The following CDH13 variants were observed in gnomAD, a reference collection of about 807,000 sequenced individuals.
CDH13 encodes the protein cadherin-13.
In CDH13, 24 loss-of-function variants were observed where a neutral mutation model predicts 63.8. The observed-to-expected ratio is 0.38, with a 90% confidence interval of 0.27 to 0.53. The LOEUF is 0.53. Ranked by LOEUF, CDH13 falls within the 20% of genes least tolerant of loss-of-function variation. The pLI is 0.85. For missense variants in CDH13, 1,049 were observed against 903.1 expected (o/e 1.16, Z -2.07); for synonymous variants, 503 against 355.3 (o/e 1.42, Z -4.67).
intron 6 of CDH13, among the ~76,000 whole-genome samples, chr16:83,396,069 T>C (rs541960509): frequency 1.1e-4 from 16 of 152,322 alleles, no homozygotes; most frequent in African/African-American, 3.4e-4. Context: ...CCTGTGTTAG[T>C]TTGCTAAGGA....
intron 3 of CDH13, among the ~76,000 whole-genome samples, chr16:83,065,180 GC>G (rs1267898014): frequency 6.6e-6 from 1 of 152,174 alleles, no homozygotes; most frequent in Non-Finnish European, 1.5e-5. Context: ...GGACAGCACA[GC>G]TTTAGAAAGA....
chr16:83,556,483 A>T (rs2075604641), intron 7 of CDH13, among the ~76,000 whole-genome samples: 1 of 152,192 alleles, frequency 6.6e-6, no homozygotes, highest in Non-Finnish European at 1.5e-5. Context: ...TCAGCCAAGT[A>T]AAGCCAAAGT....
intron 4 of CDH13, among the ~76,000 whole-genome samples, chr16:83,141,993 T>G (rs2036549490): frequency 6.6e-6 from 1 of 152,048 alleles, no homozygotes; most frequent in Admixed American, 6.5e-5. Context: ...AAGCACTGGC[T>G]GAAAAGCCCC....
chr16:83,236,961 T>C (rs1242812447), intron 5 of CDH13, among the ~76,000 whole-genome samples: 1 of 151,982 alleles, frequency 6.6e-6, no homozygotes, highest in African/African-American at 2.4e-5. Flanking sequence ...TTTCACCTCA[T>C]TTTAAAAATC....
chr16:82,884,222 C>A (rs2040806526), intron 2 of CDH13: 1 of 455,646 alleles, frequency 2.2e-6, no homozygotes, highest in South Asian at 1.6e-5. Context: ...AAAGTAGAGG[C>A]CACTTTTAAA....
chr16:82,766,689 A>G lies in CDH13; in HGVS notation c.46-91673A>G, dbSNP rs150186299. 3.9e-3 allele frequency among the ~76,000 whole-genome samples: 594 copies of G among 152,328 alleles called. 3 individuals carry two copies. The highest frequency in any genetic ancestry group is 6.1e-3 in the Non-Finnish European group (414 of 68,034). ...TCTTTACCATATATCATTATCCAAT[A>G]TATTCCTTTATATCATTATCCAAAT... On this transcript the variant is annotated intron_variant, in intron 1 of 13. Coordinates refer to ENST00000567109, the MANE Select transcript of CDH13 (RefSeq NM_001257.5).
chr16:83,331,755 T>A (rs1242137885), intron 5 of CDH13, among the ~76,000 whole-genome samples: 1 of 152,212 alleles, frequency 6.6e-6, no homozygotes, highest in Admixed American at 6.5e-5. Context: ...CTTCTTAACA[T>A]GCATACTATA....
chr16:82,673,712 T>C (rs1913564978), intron 1 of CDH13, among the ~76,000 whole-genome samples: 1 of 152,200 alleles, frequency 6.6e-6, no homozygotes, highest in Admixed American at 6.5e-5. Context: ...TAAACCTGTA[T>C]ATGTTGAGGG....
chr16:83,149,189 C>T (rs767958591), intron 4 of CDH13, among the ~76,000 whole-genome samples: 1 of 152,140 alleles, frequency 6.6e-6, no homozygotes, highest in Non-Finnish European at 1.5e-5. Context: ...CAACTAATTT[C>T]CTGTAGCTTC....
intron 7 of CDH13, among the ~76,000 whole-genome samples, chr16:83,581,467 C>A (rs1239915738): frequency 1.3e-5 from 2 of 152,208 alleles, no homozygotes; most frequent in Non-Finnish European, 2.9e-5. Context: ...ATCCACATCT[C>A]CTCCTTATTC....
chr16:83,370,664 T>TA (rs1778786390), intron 6 of CDH13, among the ~76,000 whole-genome samples: 1 of 152,190 alleles, frequency 6.6e-6, no homozygotes, highest in African/African-American at 2.4e-5. Context: ...GTTGATCCCT[T>TA]CTTCGTGTTC....
At position 83,454,826 on chromosome 16, in the gene CDH13, C is replaced by T. The variant is rs566013611; in HGVS notation, c.782-31651C>T. Reference sequence around the variant, plus strand: ...GGTTCCAGCAATTCTCTTGCCTCAGCCTCCTGAGTAGCTGGGATTACAGGC... The same window carrying T: ...GGTTCCAGCAATTCTCTTGCCTCAGTCTCCTGAGTAGCTGGGATTACAGGC... On this transcript the variant is annotated intron_variant, in intron 6 of 13. Coordinates refer to ENST00000567109, the MANE Select transcript of CDH13 (RefSeq NM_001257.5). Among the ~76,000 whole-genome samples, 4 of 152,250 alleles carry T rather than the reference C, an allele frequency of 2.6e-5. No individual in the cohort carries two copies. In the East Asian group the frequency reaches 7.7e-4, roughly 29 times the overall value.
At chr16:83,560,166 C>T (rs1266569196) in intron 7 of CDH13, among the ~76,000 whole-genome samples, 1 of 152,124 alleles carries the variant, frequency 6.6e-6, no homozygotes, top group Non-Finnish European at 1.5e-5. Context: ...AAGGCAAGAA[C>T]GAGATAGGAG....
intron 7 of CDH13, among the ~76,000 whole-genome samples, chr16:83,518,895 T>G (rs1567731522): frequency 6.6e-6 from 1 of 152,206 alleles, no homozygotes; most frequent in Admixed American, 6.5e-5. Flanking sequence ...GCCTCTGCAT[T>G]CATGCTGAAC....
At chr16:82,714,835 C>G (rs1381136211) in intron 1 of CDH13, among the ~76,000 whole-genome samples, 1 of 143,316 alleles carries the variant, frequency 7.0e-6, no homozygotes, top group Admixed American at 7.4e-5. Flanking sequence ...CCAGCAATGA[C>G]CAGAAGCTAA....
At chr16:83,765,432 A>G (rs1277009694) in intron 11 of CDH13, among the ~76,000 whole-genome samples, 2 of 152,150 alleles carry the variant, frequency 1.3e-5, no homozygotes, top group Non-Finnish European at 2.9e-5. Flanking sequence ...TATGTGGATA[A>G]TTGCTTCAGT....
intron 2 of CDH13, among the ~76,000 whole-genome samples, chr16:82,870,234 C>T (rs2151187090): frequency 1.3e-5 from 2 of 152,232 alleles, no homozygotes; most frequent in South Asian, 4.1e-4. Context: ...CACTAATCAT[C>T]AGAGAAATGC....
At chr16:82,731,546 A>G (rs1358162647) in intron 1 of CDH13, among the ~76,000 whole-genome samples, 1 of 152,364 alleles carries the variant, frequency 6.6e-6, no homozygotes, top group African/African-American at 2.4e-5. Context: ...TGCTCAAGAC[A>G]TTGACAAATA....
intron 2 of CDH13, among the ~76,000 whole-genome samples, chr16:82,941,659 C>G (rs1468725169): frequency 6.6e-6 from 1 of 152,176 alleles, no homozygotes; most frequent in African/African-American, 2.4e-5. Context: ...CTCCAGGCAC[C>G]AGGCACATTT....
Sources: gnomAD v4.1 joint callset for allele counts (sites outside exome capture counted in the v4.1 genomes callset) on GRCh38, gnomAD v4.1.1 for gene constraint, MANE v1.5 for transcripts, NCBI Gene and HGNC (gene_info 2026-07-23, HGNC 2026-07-21) for gene names.